Variants in FAM216A observed in about 807,000 individuals in gnomAD.
FAM216A encodes the protein family with sequence similarity 216 member A, also known as protein FAM216A.
A neutral mutation model predicts 37.6 loss-of-function variants in FAM216A; 26 were observed. That is an observed-to-expected ratio of 0.69 (90% CI 0.51 to 0.96). The LOEUF is 0.96. Ranked by LOEUF, FAM216A falls within the 40% of genes least tolerant of loss-of-function variation. FAM216A has a pLI of 0.00. For synonymous variants in FAM216A, 110 were observed against 121.7 expected (o/e 0.90, Z 0.64); for missense variants, 326 against 339.3 (o/e 0.96, Z 0.31).
chr12:110,474,378 T>C (rs1362313651), intron 2 of FAM216A, among the ~76,000 whole-genome samples: 1 of 152,016 alleles, frequency 6.6e-6, no homozygotes, highest in Non-Finnish European at 1.5e-5. Context: ...AAAGGCAATA[T>C]GTCAAAGTGT....
intron 2 of FAM216A, among the ~76,000 whole-genome samples, chr12:110,484,790 TC>T (rs2062767269): frequency 6.6e-6 from 1 of 151,930 alleles, no homozygotes; most frequent in Admixed American, 6.6e-5. Flanking sequence ...TCTCACTCTT[TC>T]GCCCAGGCTG....
rs200053025 is a variant in FAM216A, at chr12:110,486,521, A to C, written c.437-13A>C. On this transcript the variant is annotated splice_polypyrimidine_tract_variant and intron_variant, in intron 4 of 6. Coordinates refer to ENST00000377673, the MANE Select transcript of FAM216A (RefSeq NM_013300.3). ...TAGTGAGAGGGTCTTTTAACAGGTG[A>C]TTTGTATCACAGGTGTCCTCACTCA... is the stretch of plus-strand genomic sequence containing the variant. 1.9e-6 allele frequency: 3 copies of C among 1,609,332 alleles called. No homozygotes were observed. Among genetic ancestry groups the C allele is most frequent in the Non-Finnish European group, 2.6e-6 (3 of 1,176,418 alleles).
chr12:110,483,067 T>C (rs866053887), intron 2 of FAM216A, among the ~76,000 whole-genome samples: 15 of 152,202 alleles, frequency 9.9e-5, no homozygotes, highest in African/African-American at 3.4e-4. Flanking sequence ...GGCTCATGCC[T>C]GCAACCCCAG....
Position 110,490,122 on chromosome 12 carries a change from T to C in FAM216A, c.807T>C (p.His269=). The C allele has an allele frequency of 2.0e-6, 3 of 1,528,716 alleles. No individual in the cohort carries two copies. 94.7% of individuals were successfully genotyped at this position (1,528,716 alleles called of 1,614,324 possible). ...QSMSIEEQGE[H]LMLT is the part of the protein sequence containing the mutation. ...TGTCAATTGAAGAACAGGGAGAACA[T>C]CTGATGTTAACTTGACAGTCTTGTC... Residue 269 remains histidine, a synonymous_variant, in exon 7 of 7, where the codon CAT becomes CAC. Coordinates refer to ENST00000377673, the MANE Select transcript of FAM216A (RefSeq NM_013300.3).
At chr12:110,482,993 AG>A (rs2062756278) in intron 2 of FAM216A, among the ~76,000 whole-genome samples, 1 of 151,984 alleles carries the variant, frequency 6.6e-6, no homozygotes, top group South Asian at 2.1e-4. Context: ...TGCCTGGAGA[AG>A]GGAGTGTGCA....
chr12:110,483,341 A>AAAAAAAAAAAAG (rs1381547532), intron 2 of FAM216A, among the ~76,000 whole-genome samples: 52 of 151,972 alleles, frequency 3.4e-4, no homozygotes, highest in African/African-American at 1.2e-3. Flanking sequence ...AAAAAAAAAA[A>AAAAAAAAAAAAG]AAGAGGCATT....
upstream of FAM216A, chr12:110,468,517 C>G (rs1416381817): frequency 1.3e-6 from 2 of 1,537,316 alleles, no homozygotes; most frequent in South Asian, 2.4e-5. Context: ...CCTTGCGCCA[C>G]GTGCTTCGGT....
chr12:110,468,821 G>C (rs1466920155), upstream of FAM216A: 5 of 1,462,566 alleles, frequency 3.4e-6, no homozygotes, highest in Non-Finnish European at 4.5e-6. Flanking sequence ...GCCAGCATCC[G>C]AGCCGCCTCT....
chr12:110,472,696 A>T (rs1461710618), intron 1 of FAM216A, among the ~76,000 whole-genome samples: 2 of 152,084 alleles, frequency 1.3e-5, no homozygotes, highest in African/African-American at 4.8e-5. Flanking sequence ...AAAATTTGAA[A>T]TATGTTGGTT....
chr12:110,468,445 G>T (rs1237621157), upstream of FAM216A: 6 of 1,535,220 alleles, frequency 3.9e-6, no homozygotes, highest in Admixed American at 7.9e-5. Flanking sequence ...GAAATCGGCC[G>T]TTGGGATGCT....
rs547552551 is a variant in FAM216A, at chr12:110,472,749, C to T, written c.144-329C>T. ...CCTTTAATCCCATCACTTTGGGAGGCTGAGGCAGGCAGATCATCTGAGGTC... is the reference window on the plus strand; with the variant it reads ...CCTTTAATCCCATCACTTTGGGAGGTTGAGGCAGGCAGATCATCTGAGGTC... On this transcript the variant is annotated intron_variant, in intron 1 of 6. Coordinates refer to ENST00000377673, the MANE Select transcript of FAM216A (RefSeq NM_013300.3). 1.2e-3 allele frequency among the ~76,000 whole-genome samples: 189 copies of T among 152,000 alleles called. 1 individual carries two copies. Among genetic ancestry groups the T allele is most frequent in the African/African-American group, 4.4e-3 (184 of 41,448 alleles).
At chr12:110,474,437 C>G (rs2062704152) in intron 2 of FAM216A, among the ~76,000 whole-genome samples, 3 of 151,954 alleles carry the variant, frequency 2.0e-5, no homozygotes, top group African/African-American at 7.2e-5. Context: ...CACCTGTAAT[C>G]CCAGTACTTT....
intron 1 of FAM216A, 69 bp downstream of exon 1, chr12:110,469,087 G>C: frequency 1.5e-6 from 2 of 1,360,296 alleles, no homozygotes; most frequent in Non-Finnish European, 1.9e-6. Flanking sequence ...CCCGGGTCGT[G>C]AGCCCCGTGG....
At chr12:110,488,324 T>TGG (rs1177984911) in intron 6 of FAM216A, among the ~76,000 whole-genome samples, 17 of 148,678 alleles carry the variant, frequency 1.1e-4, no homozygotes, top group African/African-American at 4.0e-4. Flanking sequence ...GGCAGGAGAA[T>TGG]CGATTGAACC....
Position 110,468,885 on chromosome 12 carries a change from C to T in FAM216A, c.10C>T (p.Gln4Ter). ...TGCTGTCGGGGGAGGGATGCTGGGA[C>T]AGCTGCTCCCGCACACGGCTCGCGG... MLG[Q>*]LLPHTARGLG... The change falls in exon 1 of 7, where the codon CAG becomes TAG. Residue 4 changes from glutamine (Q) to a stop codon, truncating the protein, a stop_gained. Transcript: ENST00000377673. LOFTEE classifies it high-confidence loss of function. 4 of 1,513,080 alleles carry T rather than the reference C, an allele frequency of 2.6e-6. No individual in the cohort carries two copies. The highest frequency in any genetic ancestry group is 1.2e-5 in the South Asian group (1 of 82,166). 93.7% of individuals were successfully genotyped at this position (1,513,080 alleles called of 1,614,324 possible).
chr12:110,469,688 T>G (rs1458360170), intron 1 of FAM216A, among the ~76,000 whole-genome samples: 2 of 151,682 alleles, frequency 1.3e-5, no homozygotes, highest in Non-Finnish European at 2.9e-5. Flanking sequence ...TTTTGTATTT[T>G]TAGTAGAGAG....
At chr12:110,483,838 C>CA (rs142530957) in intron 2 of FAM216A, among the ~76,000 whole-genome samples, 3,298 of 151,924 alleles carry the variant, frequency 0.022, 132 homozygotes, top group African/African-American at 0.075. Context: ...AAATCAACAA[C>CA]AAAAAATGAA....
chr12:110,478,813 C>A (rs531558550), intron 2 of FAM216A, among the ~76,000 whole-genome samples: 1 of 152,056 alleles, frequency 6.6e-6, no homozygotes, highest in African/African-American at 2.4e-5. Context: ...TGAGTCAATA[C>A]GTGAGTGTTG....
chr12:110,481,996 C>T (rs1268128531), intron 2 of FAM216A, among the ~76,000 whole-genome samples: 1 of 152,038 alleles, frequency 6.6e-6, no homozygotes, highest in Non-Finnish European at 1.5e-5. Flanking sequence ...GAAGAAATAA[C>T]TAAATTTAAA....
Sources: allele counts gnomAD v4.1 joint callset (sites outside exome capture counted in the v4.1 genomes callset), GRCh38; gene constraint gnomAD v4.1.1; transcripts MANE v1.5; gene names NCBI Gene and HGNC (gene_info 2026-07-23, HGNC 2026-07-21).